Variants in UBR4 observed in about 807,000 individuals in gnomAD.
UBR4 encodes E3 ubiquitin-protein ligase UBR4.
UBR4 carries 124 observed loss-of-function variants against 575.6 expected under a neutral mutation model. That is an observed-to-expected ratio of 0.22 (90% CI 0.19 to 0.25). The LOEUF (loss-of-function observed/expected upper bound fraction) is 0.25, where lower values mean the gene tolerates loss of function less well. UBR4 is among the 10% of genes least tolerant of loss of function. The pLI, the probability that UBR4 is intolerant of heterozygous loss-of-function variation, is 1.00. For synonymous variants in UBR4, 2,455 were observed against 2,473.7 expected (o/e 0.99, Z 0.22); for missense variants, 4,818 against 6,478.8 (o/e 0.74, Z 8.80).
At chr1:19,176,507 T>C in intron 20 of UBR4, 85 bp downstream of exon 20, 1 of 1,519,256 alleles carries the variant, frequency 6.6e-7, no homozygotes. Flanking sequence ...TGACCAAAGA[T>C]CCTCCAAGAG....
intron 11 of UBR4, among the ~76,000 whole-genome samples, chr1:19,190,316 T>A (rs76366053): frequency 0.15 from 12,217 of 81,966 alleles, 804 homozygotes; most frequent in Non-Finnish European, 0.18. Context: ...AAAAAAAATA[T>A]ATATATATAT....
At chr1:19,087,730 C>T (rs976231834) in intron 99 of UBR4, 86 bp downstream of exon 99, 1 of 1,103,750 alleles carries the variant, frequency 9.1e-7, no homozygotes, top group Admixed American at 2.1e-5. Flanking sequence ...TAGCTAAGAA[C>T]AAAATGGCCT....
At position 19,148,599 on chromosome 1, in the gene UBR4, C is replaced by T; in HGVS notation, c.7458G>A (p.Leu2486=). The T allele has an allele frequency of 6.2e-7, 1 of 1,614,194 alleles. No homozygotes were observed. The highest frequency in any genetic ancestry group is 1.1e-5 in the South Asian group (1 of 91,082). Residue 2486 remains leucine, a synonymous_variant, in exon 50 of 106, where the codon CTG becomes CTA. Transcript: ENST00000375254. The part of the protein sequence containing the change: ...ERLVVSSLEA[L]ESCFAVGPII... ...TTGGGCCAACGGCAAAGCAGCTTTC[C>T]AGGGCTTCTAAAGAACTCACAACCA...
Position 19,106,671 on chromosome 1 carries a change from C to T in UBR4, c.12291G>A (p.Leu4097=), listed in dbSNP as rs1279650297. 6.2e-7 allele frequency: 1 copy of T among 1,610,114 alleles called. No individual in the cohort carries two copies. Among genetic ancestry groups the T allele is most frequent in the East Asian group, 2.2e-5 (1 of 44,880 alleles). Residue 4097 remains leucine (L), a synonymous_variant, in exon 83 of 106, where the codon TTG becomes TTA. Transcript: ENST00000375254. ...PSKSELRHLY[L]TEKYVWRWKQ... ...TCCACCTCCACACATACTTCTCAGT[C>T]AAATAGAGATGGCGGAGCTCTGATT...
At chr1:19,198,705 A>T in intron 4 of UBR4, 25 bp from the exon 5 acceptor site, 1 of 1,612,976 alleles carries the variant, frequency 6.2e-7, no homozygotes, top group Non-Finnish European at 8.5e-7. Context: ...GGCAAAAAAA[A>T]GGGCTGAGGA....
chr1:19,196,470 T>C (rs998914005), intron 8 of UBR4, among the ~76,000 whole-genome samples: 3 of 152,322 alleles, frequency 2.0e-5, no homozygotes, highest in South Asian at 2.1e-4. Context: ...ATACCAGAGA[T>C]ATGATATGTC....
rs747703729 is a variant in UBR4, at chr1:19,185,210, C to A, written c.1827G>T (p.Pro609=). 4 of 1,613,368 alleles carry A rather than the reference C, an allele frequency of 2.5e-6. No homozygotes were observed. In the East Asian group the frequency reaches 6.7e-5, roughly 27 times the overall value. Reference sequence around the variant, plus strand: ...CCAGTGGAGGAGGTGGGGGAGGAGGCGGAGGTGCTGCTTTCTCTTTACTGG... The same window carrying A: ...CCAGTGGAGGAGGTGGGGGAGGAGGAGGAGGTGCTGCTTTCTCTTTACTGG... The part of the protein sequence containing the change: ...ISPSKEKAAP[P]PPPPPPPLES... Residue 609 remains proline, a synonymous_variant, in exon 15 of 106, where the codon CCG becomes CCT. Coordinates refer to ENST00000375254, the MANE Select transcript of UBR4 (RefSeq NM_020765.3).
chr1:19,113,611 C>T (rs12139884), intron 77 of UBR4, 88 bp downstream of exon 77: 70,357 of 1,566,918 alleles, frequency 0.045, 1,930 homozygotes, highest in Middle Eastern at 0.064. Context: ...ACCTGGACTG[C>T]TAGATGAGAG....
At chr1:19,135,439 A>C (rs1314247940) in intron 60 of UBR4, among the ~76,000 whole-genome samples, 1 of 152,218 alleles carries the variant, frequency 6.6e-6, no homozygotes, top group Non-Finnish European at 1.5e-5. Flanking sequence ...CTCCAGCCAA[A>C]ATTTATGACT....
At chr1:19,145,008 T>A in intron 53 of UBR4, 101 bp from the exon 54 acceptor site, 1 of 1,397,282 alleles carries the variant, frequency 7.2e-7, no homozygotes, top group East Asian at 2.4e-5. Context: ...ATGTAAAAGG[T>A]CATGCAAACA....
chr1:19,092,952 G>A (rs760064716), intron 96 of UBR4, 34 bp from the exon 97 acceptor site: 3 of 1,586,808 alleles, frequency 1.9e-6, no homozygotes, highest in Non-Finnish European at 2.6e-6. Flanking sequence ...TAGCAGGCCA[G>A]GGAAGCAAAG....
At chr1:19,209,067 TACA>T (rs981006260) in intron 1 of UBR4, among the ~76,000 whole-genome samples, 6 of 152,210 alleles carry the variant, frequency 3.9e-5, no homozygotes, top group Non-Finnish European at 7.3e-5. Context: ...ATTACAAGTC[TACA>T]ACAAGAAAAA....
intron 8 of UBR4, 91 bp downstream of exon 8, chr1:19,197,043 AGGGGGAT>A: frequency 1.4e-6 from 2 of 1,427,394 alleles, no homozygotes; most frequent in Non-Finnish European, 1.9e-6. Context: ...GAAGGAAGCA[AGGGGGAT>A]GAGTAGAGTA....
chr1:19,136,198 C>A (rs991552664), intron 60 of UBR4, among the ~76,000 whole-genome samples: 2 of 151,954 alleles, frequency 1.3e-5, no homozygotes, highest in Admixed American at 6.5e-5. Flanking sequence ...TAAATGATAT[C>A]GTTTAGGAAA....
At chr1:19,179,405 A>T (rs920797553) in intron 17 of UBR4, among the ~76,000 whole-genome samples, 185 bp from the exon 18 acceptor site, 22 of 152,350 alleles carry the variant, frequency 1.4e-4, no homozygotes, top group Non-Finnish European at 2.6e-4. Flanking sequence ...AATGAGAAAA[A>T]CATAAGTGAA....
intron 64 of UBR4, among the ~76,000 whole-genome samples, chr1:19,126,234 C>A (rs2081763938): frequency 6.6e-6 from 1 of 152,180 alleles, no homozygotes; most frequent in Non-Finnish European, 1.5e-5. Context: ...TTCAATTCCT[C>A]CAATTTACAA....
At position 19,164,980 on chromosome 1, in the gene UBR4, G is replaced by C; in HGVS notation, c.4330C>G (p.Pro1444Ala). 6.2e-7 allele frequency: 1 copy of C among 1,614,034 alleles called. No homozygotes were observed. The change falls in exon 32 of 106, where the codon CCG (proline) becomes GCG (alanine). Residue 1444 changes from proline (P) to alanine (A), a missense_variant. Physicochemically the swap from Pro to Ala is conservative, Grantham distance 27 (BLOSUM62 -1). Coordinates refer to ENST00000375254, the MANE Select transcript of UBR4 (RefSeq NM_020765.3). ...GAGCCACAGAGATGCAACAGGCTCG[G>C]GTTAGGGCTCTTCTCAGCTAGGAGC... is the stretch of plus-strand genomic sequence containing the variant. Reference protein sequence around the residue: ...LFQLTEKSPNPSLLHLCGSLA... With the variant: ...LFQLTEKSPNASLLHLCGSLA...
At position 19,094,892 on chromosome 1, in the gene UBR4, C is replaced by G. The variant is rs373965048; in HGVS notation, c.13746+14G>C. The G allele has an allele frequency of 1.2e-6, 2 of 1,612,096 alleles. No individual in the cohort carries two copies. Among genetic ancestry groups the G allele is most frequent in the Non-Finnish European group, 1.7e-6 (2 of 1,179,840 alleles). On this transcript the variant is annotated intron_variant, in intron 94 of 105. Coordinates refer to ENST00000375254, the MANE Select transcript of UBR4 (RefSeq NM_020765.3). ...TCTCAGTGCCTGCAGATGGAGGGGC[C>G]GAGCCCCACTCACCTTGTCCTCACT...
chr1:19,110,305 C>T lies in UBR4; in HGVS notation c.11977+75G>A. 1 of 1,612,924 alleles carries T rather than the reference C, an allele frequency of 6.2e-7. No homozygotes were observed. Among genetic ancestry groups the T allele is most frequent in the Non-Finnish European group, 8.5e-7 (1 of 1,179,068 alleles). On this transcript the variant is annotated intron_variant, in intron 80 of 105. Transcript: ENST00000375254. The surrounding 1 kb of genome is among the most constrained non-coding windows in gnomAD (Gnocchi z 4.5). Reference sequence around the variant, plus strand: ...CAGAGGCCGCCCAAGCATCAGTTTCCCTCCTCCCCTCCCAGTCCGGCCAGG... The same window carrying T: ...CAGAGGCCGCCCAAGCATCAGTTTCTCTCCTCCCCTCCCAGTCCGGCCAGG...
Sources: allele counts gnomAD v4.1 joint callset (sites outside exome capture counted in the v4.1 genomes callset), GRCh38; gene constraint gnomAD v4.1.1; non-coding constraint Gnocchi (gnomAD v3.1); transcripts MANE v1.5; gene names NCBI Gene and HGNC (gene_info 2026-07-23, HGNC 2026-07-21).